Variants in HSPG2 observed in about 807,000 individuals in gnomAD.
HSPG2 encodes the protein basement membrane-specific heparan sulfate proteoglycan core protein.
In HSPG2, 278 loss-of-function variants were observed where a neutral mutation model predicts 526.6. The observed-to-expected ratio is 0.53, with a 90% CI of 0.48 to 0.58. The LOEUF is 0.58. Among genes scored for constraint, HSPG2 ranks in the 20% least tolerant of loss-of-function variants. The probability of loss-of-function intolerance (pLI) is 0.00; values close to 1 mark genes in which losing one functional copy is unlikely to be tolerated. For missense variants in HSPG2, 5,354 were observed against 6,099.5 expected, an observed-to-expected ratio of 0.88 and a Z score of 4.07; for synonymous variants, 2,465 against 2,555.4, an observed-to-expected ratio of 0.96 and a Z score of 1.07.
intron 95 of HSPG2, 163 bp downstream of exon 95, chr1:21,823,958 C>T (rs1338507985): frequency 1.5e-5 from 12 of 815,104 alleles, no homozygotes; most frequent in Non-Finnish European, 2.4e-5. Context: ...GGAGTTCAGT[C>T]CGAGATGGAA....
intron 13 of HSPG2, among the ~76,000 whole-genome samples, chr1:21,881,815 C>T (rs372128952): frequency 7.9e-5 from 12 of 151,688 alleles, no homozygotes; most frequent in East Asian, 2.0e-4. Flanking sequence ...TGGTGGTGCA[C>T]GCCTGTAGTC....
At chr1:21,884,498 C>T (rs1421021549) in intron 13 of HSPG2, 30 bp downstream of exon 13, 1 of 1,610,764 alleles carries the variant, frequency 6.2e-7, no homozygotes, top group Non-Finnish European at 8.5e-7. Context: ...CCTCCCACCT[C>T]CCGCAGCGCT....
At chr1:21,920,987 C>T (rs557630523) in intron 1 of HSPG2, among the ~76,000 whole-genome samples, 113 of 152,210 alleles carry the variant, frequency 7.4e-4, no homozygotes, top group Non-Finnish European at 1.4e-3. Flanking sequence ...CGGCCATTGT[C>T]ACCCTGGTTA....
intron 1 of HSPG2, among the ~76,000 whole-genome samples, chr1:21,912,705 C>T (rs746699931): frequency 1.3e-5 from 2 of 152,102 alleles, no homozygotes; most frequent in Non-Finnish European, 2.9e-5. Context: ...TATTGCTGGG[C>T]GCAGTGGCTT....
rs1465239657 is a variant in HSPG2 at position 21,828,476 on chromosome 1, C to T, written c.12238-50G>A. On this transcript the variant is annotated intron_variant, in intron 88 of 96. Transcript: ENST00000374695. The surrounding 1 kb of genome is among the most constrained non-coding windows in gnomAD (Gnocchi z 6.0). Reference sequence around the variant, plus strand: ...ACTAAAGGGGCCTGGGAGGCAGAGACCCAGGTGTACCAGCAGGGAGAAGAA... The same window carrying T: ...ACTAAAGGGGCCTGGGAGGCAGAGATCCAGGTGTACCAGCAGGGAGAAGAA... 1 of 1,579,444 alleles carries T rather than the reference C, an allele frequency of 6.3e-7. No homozygotes were observed. The highest frequency in any genetic ancestry group is 8.7e-7 in the Non-Finnish European group (1 of 1,155,316).
chr1:21,854,847 C>T lies in HSPG2; in HGVS notation c.6133+1G>A. On this transcript the variant is annotated splice_donor_variant, in intron 48 of 96. Coordinates refer to ENST00000374695, the MANE Select transcript of HSPG2 (RefSeq NM_005529.7). LOFTEE classifies it high-confidence loss of function. ...CCCCTCCATTCCCAGAGAGTCCGTA[C>T]CTGAAAGGACAACCACTTGGATCCG... The T allele has an allele frequency of 6.2e-7, 1 of 1,613,930 alleles. No individual in the cohort carries two copies. The highest frequency in any genetic ancestry group is 8.5e-7 in the Non-Finnish European group (1 of 1,179,940).
At chr1:21,837,356 C>T (rs576573762) in intron 74 of HSPG2, among the ~76,000 whole-genome samples, 1 of 152,320 alleles carries the variant, frequency 6.6e-6, no homozygotes, top group East Asian at 1.9e-4. Context: ...TCTCAGCTCA[C>T]TGCAACGTCC....
Position 21,830,135 on chromosome 1 carries a change from G to A in HSPG2, c.11672-44C>T, listed in dbSNP as rs371348494. 4.5e-5 allele frequency: 66 copies of A among 1,463,756 alleles called. 1 individual carries two copies. In the African/African-American group the frequency reaches 4.9e-4, roughly 11 times the overall value. The allele number at this position is 1,463,756 out of a possible 1,614,324, so 90.7% of individuals were successfully genotyped here. A position where few individuals can be genotyped will look rare whatever the true frequency, so the allele number is the denominator to read the frequency against. On this transcript the variant is annotated intron_variant, in intron 85 of 96. Coordinates refer to ENST00000374695, the MANE Select transcript of HSPG2 (RefSeq NM_005529.7). ...AGTGAAAAGACACGGAGGTGACTCT[G>A]GAGGGAGGGGGGTCCTGATGCCAGA... is the stretch of plus-strand genomic sequence containing the variant.
chr1:21,869,251 A>G (rs1195954191), intron 33 of HSPG2, among the ~76,000 whole-genome samples: 1 of 152,258 alleles, frequency 6.6e-6, no homozygotes, highest in Non-Finnish European at 1.5e-5. Context: ...ACGTTTACAC[A>G]GCACATCAGT....
At chr1:21,827,532 G>A (rs2097981693) in intron 91 of HSPG2, among the ~76,000 whole-genome samples, 1 of 152,234 alleles carries the variant, frequency 6.6e-6, no homozygotes, top group Admixed American at 6.5e-5. Flanking sequence ...TCAGTAGACG[G>A]TGGAATTCTT....
intron 1 of HSPG2, among the ~76,000 whole-genome samples, chr1:21,926,322 G>C (rs1644190353): frequency 6.6e-6 from 1 of 152,186 alleles, no homozygotes; most frequent in Non-Finnish European, 1.5e-5. Flanking sequence ...ATGTGACTGA[G>C]GCCACTGGGG....
In HSPG2 at chr1:21,839,542, C is replaced by T. The variant is rs776099447; in HGVS notation, c.9718G>A (p.Ala3240Thr). 15 of 1,613,574 alleles carry T rather than the reference C, an allele frequency of 9.3e-6. No individual in the cohort carries two copies. Among genetic ancestry groups the T allele is most frequent in the African/African-American group, 4.0e-5 (3 of 74,890 alleles). The change falls in exon 73 of 97, where the codon GCG (alanine) becomes ACG (threonine). Residue 3240 changes from alanine (A) to threonine (T), a missense_variant. Physicochemically the swap from Ala to Thr is moderately conservative, Grantham distance 58. Transcript: ENST00000374695. The surrounding 1 kb of genome is among the most constrained non-coding windows in gnomAD (Gnocchi z 4.5). ...TLRCSATGSPAPTIHWSKLRS... is the reference protein window; with the variant it reads ...TLRCSATGSPTPTIHWSKLRS... ...AGCTTGGACCAGTGGATGGTGGGCG[C>T]GGGGCTGCCTGTGGAGTCGAGTGGA...
chr1:21,831,921 G>T, intron 81 of HSPG2, 125 bp from the exon 82 acceptor site: 1 of 1,052,786 alleles, frequency 9.5e-7, no homozygotes, highest in East Asian at 2.5e-5. Context: ...TCCCAGCCCT[G>T]GGGCTGTTCC....
At chr1:21,833,669 C>T in intron 78 of HSPG2, 55 bp from the exon 79 acceptor site, 1 of 1,606,866 alleles carries the variant, frequency 6.2e-7, no homozygotes, top group Non-Finnish European at 8.5e-7. Flanking sequence ...TCCAGGGGCC[C>T]ACCTCCCATC....
chr1:21,835,674 A>G (rs1230027817), intron 75 of HSPG2, 37 bp from the exon 76 acceptor site: 24 of 1,500,560 alleles, frequency 1.6e-5, no homozygotes, highest in Non-Finnish European at 2.1e-5. Flanking sequence ...AGGGAGTTGA[A>G]AACAACTGAT....
intron 30 of HSPG2, 136 bp from the exon 31 acceptor site, chr1:21,873,227 G>T: frequency 8.7e-7 from 1 of 1,147,534 alleles, no homozygotes; most frequent in Non-Finnish European, 1.3e-6. Context: ...AGCCCTCGGA[G>T]GTGGTGGGGC....
intron 6 of HSPG2, chr1:21,888,774 C>G: frequency 7.9e-7 from 1 of 1,266,584 alleles, no homozygotes; most frequent in Non-Finnish European, 1.1e-6. Context: ...GAGCTGAGGG[C>G]TGCAGGGCTG....
In HSPG2 at chr1:21,823,349, C is replaced by A. The variant is rs1407288241; in HGVS notation, c.13143G>T (p.Gln4381His). ...GGCAGGGGCGTGTGTTGGCCCCGGC[C>A]TGGGCGCGGTGCTGCAGGTCCAGGG... ...PQPLDLQHRA[Q>H]AGANTRPCPS Residue 4381 changes from glutamine (Q) to histidine (H), a missense_variant, in exon 97 of 97, where the codon CAG becomes CAT. Coordinates refer to ENST00000374695, the MANE Select transcript of HSPG2 (RefSeq NM_005529.7). 2.6e-6 allele frequency: 4 copies of A among 1,543,798 alleles called. No individual in the cohort carries two copies. In the East Asian group the frequency reaches 9.7e-5, roughly 37 times the overall value.
intron 86 of HSPG2, 175 bp downstream of exon 86, chr1:21,829,818 G>T: frequency 1.4e-6 from 1 of 716,668 alleles, no homozygotes; most frequent in Non-Finnish European, 2.4e-6. Flanking sequence ...CTCTTTGGGG[G>T]CCCTCACTCA....
Sources: allele counts gnomAD v4.1 joint callset (sites outside exome capture counted in the v4.1 genomes callset), GRCh38; gene constraint gnomAD v4.1.1; non-coding constraint Gnocchi (gnomAD v3.1); transcripts MANE v1.5; gene names NCBI Gene and HGNC (gene_info 2026-07-23, HGNC 2026-07-21).